The following CGN variants were observed in gnomAD, a reference collection of about 807,000 sequenced individuals.
The protein encoded by CGN is cingulin.
In CGN, 121 loss-of-function variants were observed where a neutral mutation model predicts 157.1. That is an observed-to-expected ratio of 0.77 (90% CI 0.66 to 0.90). CGN has a LOEUF of 0.90. CGN is among the 40% of genes least tolerant of loss of function. The pLI, the probability that CGN is intolerant of heterozygous loss-of-function variation, is 0.00. For missense variants in CGN, 1,424 were observed against 1,520.9 expected, an observed-to-expected ratio of 0.94 and a Z score of 1.06; for synonymous variants, 535 against 607.5, an observed-to-expected ratio of 0.88 and a Z score of 1.76.
chr1:151,527,178 C>T, intron 10 of CGN, 71 bp downstream of exon 10: 1 of 1,565,162 alleles, frequency 6.4e-7, no homozygotes, highest in Non-Finnish European at 8.8e-7. Flanking sequence ...CCATGAGGGC[C>T]TTCTTGCTAG....
chr1:151,530,747 G>C lies in CGN; in HGVS notation c.2571+1G>C. 1 of 1,551,304 alleles carries C rather than the reference G, an allele frequency of 6.4e-7. No homozygotes were observed. On this transcript the variant is annotated splice_donor_variant, in intron 13 of 20. Coordinates refer to ENST00000271636, the MANE Select transcript of CGN (RefSeq NM_020770.3). LOFTEE classifies it high-confidence loss of function. ...GACTGTGGACCGACTGAACAAGGAGGTGGGGCATGGGGTATTCTGGGCCTT... is the reference window on the plus strand; with the variant it reads ...GACTGTGGACCGACTGAACAAGGAGCTGGGGCATGGGGTATTCTGGGCCTT...
chr1:151,523,342 G>A, intron 5 of CGN, 92 bp from the exon 6 acceptor site: 1 of 1,218,656 alleles, frequency 8.2e-7, no homozygotes, highest in Non-Finnish European at 1.2e-6. Flanking sequence ...TACAGCAAGT[G>A]TCCAATGAGT....
intron 1 of CGN, among the ~76,000 whole-genome samples, chr1:151,512,309 G>A (rs1664318631): frequency 6.6e-6 from 1 of 152,092 alleles, no homozygotes; most frequent in Admixed American, 6.5e-5. Flanking sequence ...TTCTGGGGGC[G>A]GATGTCAAAC....
At chr1:151,527,934 C>CCATATA in intron 10 of CGN, 1 of 167,668 alleles carries the variant, frequency 6.0e-6, no homozygotes, top group South Asian at 7.2e-5. Flanking sequence ...CATGGCCACA[C>CCATATA]TATATATATA....
chr1:151,519,160 G>A lies in CGN; in HGVS notation c.641G>A (p.Ser214Asn). ...CCTGAACAGCGCAAACGGAGCAAGA[G>A]CCTGGACAGCCGCCTCCCACGGGAC... ...LPPEQRKRSK[S>N]LDSRLPRDTF... Residue 214 changes from serine to asparagine, a missense_variant, in exon 2 of 21, where the codon AGC (serine) becomes AAC (asparagine). Around this residue, in one of 3 missense-constraint regions of CGN, gnomAD observed 1,187 missense variants for 1,217.6 expected, o/e 0.97. Coordinates refer to ENST00000271636, the MANE Select transcript of CGN (RefSeq NM_020770.3). The A allele has an allele frequency of 6.2e-7, 1 of 1,614,044 alleles. No individual in the cohort carries two copies. The highest frequency in any genetic ancestry group is 8.5e-7 in the Non-Finnish European group (1 of 1,180,038).
At position 151,532,484 on chromosome 1, in the gene CGN, G is replaced by A. The variant is rs370511639; in HGVS notation, c.2654G>A (p.Arg885Gln). 54 of 1,610,456 alleles carry A rather than the reference G, an allele frequency of 3.4e-5. 1 individual carries two copies. The highest frequency in any genetic ancestry group is 3.3e-4 in the Middle Eastern group (2 of 5,992). The change falls in exon 14 of 21, where the codon CGG becomes CAG. Residue 885 changes from arginine (R) to glutamine (Q), a missense_variant. Arg to Gln is a conservative substitution (Grantham distance 43). Coordinates refer to ENST00000271636, the MANE Select transcript of CGN (RefSeq NM_020770.3). Reference sequence around the variant, plus strand: ...GAGGATTATAAGGAAAAGGCCCGGCGGGAGGTGGCAGATGCCCAGCGCCAG... The same window carrying A: ...GAGGATTATAAGGAAAAGGCCCGGCAGGAGGTGGCAGATGCCCAGCGCCAG... Reference protein sequence around the residue: ...QLEDYKEKARREVADAQRQAK... With the variant: ...QLEDYKEKARQEVADAQRQAK...
intron 1 of CGN, among the ~76,000 whole-genome samples, chr1:151,514,991 C>T (rs1454824995): frequency 6.6e-6 from 1 of 151,910 alleles, no homozygotes; most frequent in Non-Finnish European, 1.5e-5. Context: ...TAAATTAGAA[C>T]CCAAGTTCAA....
chr1:151,525,208 G>C (rs1372228048), intron 8 of CGN, among the ~76,000 whole-genome samples: 1 of 152,060 alleles, frequency 6.6e-6, no homozygotes, highest in African/African-American at 2.4e-5. Context: ...GACCAGCCTG[G>C]GTAACATGGA....
rs144180892 is a variant in CGN at position 151,530,051 on chromosome 1, G to A, written c.2249G>A (p.Arg750Gln). Residue 750 changes from arginine to glutamine, a missense_variant, in exon 12 of 21, where the codon CGA (arginine) becomes CAA (glutamine). Arg to Gln is a conservative substitution (Grantham distance 43). Coordinates refer to ENST00000271636, the MANE Select transcript of CGN (RefSeq NM_020770.3). Reference sequence around the variant, plus strand: ...TTGGAGCAGCAGCTGAAGGAGACTCGAGGTCTGGTGGATGGTGGGGAAGCG... The same window carrying A: ...TTGGAGCAGCAGCTGAAGGAGACTCAAGGTCTGGTGGATGGTGGGGAAGCG... Reference protein sequence around the residue: ...LGLEQQLKETRGLVDGGEAVE... With the variant: ...LGLEQQLKETQGLVDGGEAVE... 15 of 1,614,028 alleles carry A rather than the reference G, an allele frequency of 9.3e-6. No homozygotes were observed. Among genetic ancestry groups the A allele is most frequent in the African/African-American group, 8.0e-5 (6 of 74,910 alleles).
chr1:151,537,177 C>G lies in CGN; in HGVS notation c.3471-28C>G, dbSNP rs201009454. The G allele has an allele frequency of 3.8e-4, 600 of 1,598,378 alleles. 5 individuals are homozygous for G. In the African/African-American group the frequency reaches 6.7e-3, roughly 18 times the overall value. On this transcript the variant is annotated intron_variant, in intron 20 of 20. Coordinates refer to ENST00000271636, the MANE Select transcript of CGN (RefSeq NM_020770.3). Reference sequence around the variant, plus strand: ...TCTTAATATTTCTATTTTCCCCTCCCCAACCATTATTCTTCTCTCTGAGTC... The same window carrying G: ...TCTTAATATTTCTATTTTCCCCTCCGCAACCATTATTCTTCTCTCTGAGTC...
At chr1:151,522,977 C>T (rs894826179) in intron 5 of CGN, among the ~76,000 whole-genome samples, 1 of 152,048 alleles carries the variant, frequency 6.6e-6, no homozygotes. Context: ...AATCAAATGG[C>T]TGTTGGTTGT....
chr1:151,520,209 C>T lies in CGN; in HGVS notation c.917C>T (p.Ala306Val). 6.2e-7 allele frequency: 1 copy of T among 1,613,936 alleles called. No individual in the cohort carries two copies. Among genetic ancestry groups the T allele is most frequent in the South Asian group, 1.1e-5 (1 of 91,064 alleles). ...PDLLRDQQEA[A>V]PPGSVDHMKA... ...CTCCTTCGAGACCAGCAGGAGGCAG[C>T]CCCACCAGGCAGTGTGGACCATATG... Residue 306 changes from alanine (A) to valine (V), a missense_variant, in exon 3 of 21, where the codon GCC becomes GTC. Ala to Val is a moderately conservative substitution (Grantham distance 64, BLOSUM62 0). Around this residue, in one of 3 missense-constraint regions of CGN, gnomAD observed 1,187 missense variants for 1,217.6 expected, o/e 0.97. Transcript: ENST00000271636.
In CGN at chr1:151,537,625, A is replaced by G; in HGVS notation, c.*279A>G. The stretch of plus-strand genomic sequence containing the variant: ...CTCTTATAGTGGAAGGATGGTCAGC[A>G]TTAGGCTGATGGGGACTGAGAAGGA... On this transcript the variant is annotated 3_prime_UTR_variant, in exon 21 of 21. Coordinates refer to ENST00000271636, the MANE Select transcript of CGN (RefSeq NM_020770.3). 2.8e-6 allele frequency: 1 copy of G among 351,150 alleles called. No individual in the cohort carries two copies. Among genetic ancestry groups the G allele is most frequent in the Non-Finnish European group, 5.2e-6 (1 of 193,110 alleles). The allele number at this position is 351,150 out of a possible 1,614,324, so 21.8% of individuals were successfully genotyped here. A position where few individuals can be genotyped will look rare whatever the true frequency, so the allele number is the denominator to read the frequency against.
chr1:151,511,297 C>G (rs1209067218), upstream of CGN: 3 of 152,872 alleles, frequency 2.0e-5, no homozygotes, highest in African/African-American at 7.2e-5. The surrounding 1 kb of genome is among the most constrained non-coding windows in gnomAD (Gnocchi z 4.8). Flanking sequence ...AGCGGACCAA[C>G]CGGAGCGGGG....
Position 151,523,473 on chromosome 1 carries a change from C to T in CGN, c.1180C>T (p.Arg394Trp), listed in dbSNP as rs750529533. ...KLEPSQVGLE[R>W]QLEEKTEECS... is the part of the protein sequence containing the mutation. ...AGAGCCATCCCAAGTTGGGCTGGAG[C>T]GGCAGCTGGAGGAGAAAACAGAAGA... is the stretch of plus-strand genomic sequence containing the variant. The change falls in exon 6 of 21, where the codon CGG becomes TGG. Residue 394 changes from arginine (R) to tryptophan (W), a missense_variant. By Grantham distance (101) the Arg-to-Trp change is moderately radical. Around this residue, in one of 3 missense-constraint regions of CGN, gnomAD observed 1,187 missense variants for 1,217.6 expected, o/e 0.97. Transcript: ENST00000271636. The T allele has an allele frequency of 1.1e-5, 18 of 1,613,222 alleles. No homozygotes were observed. The highest frequency in any genetic ancestry group is 2.7e-5 in the African/African-American group (2 of 74,874).
Position 151,520,173 on chromosome 1 carries a change from C to A in CGN, c.881C>A (p.Ser294Ter), listed in dbSNP as rs1664508494. 1.2e-6 allele frequency: 2 copies of A among 1,601,748 alleles called. No individual in the cohort carries two copies. The highest frequency in any genetic ancestry group is 1.4e-5 in the African/African-American group (1 of 74,056). The change falls in exon 3 of 21, where the codon TCA (serine) becomes TAA (stop). Residue 294 changes from serine to a stop codon, truncating the protein, a stop_gained. Transcript: ENST00000271636. LOFTEE classifies it high-confidence loss of function. Reference protein sequence around the residue: ...AQDPTMLQFKSTPDLLRDQQE... With the variant: ...AQDPTMLQFK ...TTTCTTTTTTTTTAACAGTTCAAAT[C>A]AACTCCAGACCTCCTTCGAGACCAG...
intron 1 of CGN, among the ~76,000 whole-genome samples, chr1:151,513,166 T>C (rs899512550): frequency 6.6e-6 from 1 of 152,244 alleles, no homozygotes; most frequent in African/African-American, 2.4e-5. Context: ...GGAGAGCCCC[T>C]GCCTGTGGTC....
chr1:151,536,224 T>C lies in CGN; in HGVS notation c.3198-13T>C. 1 of 1,529,324 alleles carries C rather than the reference T, an allele frequency of 6.5e-7. No individual in the cohort carries two copies. The highest frequency in any genetic ancestry group is 9.1e-7 in the Non-Finnish European group (1 of 1,102,560). The allele number at this position is 1,529,324 out of a possible 1,614,324, so 94.7% of individuals were successfully genotyped here. A position where few individuals can be genotyped will look rare whatever the true frequency, so the allele number is the denominator to read the frequency against. On this transcript the variant is annotated splice_polypyrimidine_tract_variant and intron_variant, in intron 18 of 20. Transcript: ENST00000271636. The stretch of plus-strand genomic sequence containing the variant: ...ATGGGGACACTCATAGACATTCTTC[T>C]ACCTCACCTTAGGGAGAAGACAGTT...
At chr1:151,515,677 A>G (rs10888420) in intron 1 of CGN, 143,652 of 152,196 alleles carry the variant, frequency 0.94, 68,402 homozygotes, top group East Asian at 1. Context: ...GTTTTGCCAT[A>G]TTGCTCAGGC....
Sources: allele counts gnomAD v4.1 joint callset (sites outside exome capture counted in the v4.1 genomes callset), GRCh38; gene constraint gnomAD v4.1.1; regional missense constraint gnomAD v4.1.1; non-coding constraint Gnocchi (gnomAD v3.1); transcripts MANE v1.5; gene names NCBI Gene and HGNC (gene_info 2026-07-23, HGNC 2026-07-21).